Variants in TUBGCP3 observed in about 807,000 individuals in gnomAD.
The protein encoded by TUBGCP3 is gamma-tubulin complex component 3.
Under a neutral mutation model 123.1 loss-of-function variants are expected in TUBGCP3, and 50 were observed. The observed-to-expected ratio is 0.41, with a 90% CI of 0.32 to 0.51. TUBGCP3 has a LOEUF of 0.51. Ranked by LOEUF, TUBGCP3 falls within the 20% of genes least tolerant of loss-of-function variation. The probability of loss-of-function intolerance (pLI) is 0.36; values close to 1 mark genes in which losing one functional copy is unlikely to be tolerated. For synonymous variants in TUBGCP3, 405 were observed against 413.9 expected, an observed-to-expected ratio of 0.98 and a Z score of 0.26; for missense variants, 882 against 1,127.0, an observed-to-expected ratio of 0.78 and a Z score of 3.11.
intron 11 of TUBGCP3, among the ~76,000 whole-genome samples, chr13:112,530,532 G>A (rs189538125): frequency 3.9e-5 from 6 of 152,322 alleles, no homozygotes; most frequent in Admixed American, 2.0e-4. Context: ...TAGCATCCTC[G>A]GGGTGTGAAA....
At chr13:112,578,706 T>C (rs1184984624) in intron 1 of TUBGCP3, among the ~76,000 whole-genome samples, 1 of 152,090 alleles carries the variant, frequency 6.6e-6, no homozygotes, top group Non-Finnish European at 1.5e-5. Context: ...GTTTCTTTGT[T>C]TGATCACCAA....
intron 3 of TUBGCP3, among the ~76,000 whole-genome samples, chr13:112,564,886 C>G (rs182206740): frequency 6.6e-6 from 1 of 152,312 alleles, no homozygotes; most frequent in Non-Finnish European, 1.5e-5. Context: ...TGTTGACTTT[C>G]CCTGTGCAGC....
chr13:112,507,461 GA>G (rs1881379517), intron 17 of TUBGCP3, among the ~76,000 whole-genome samples: 2 of 152,202 alleles, frequency 1.3e-5, no homozygotes, highest in South Asian at 4.1e-4. Flanking sequence ...AACTTCACCT[GA>G]AAGTTTACCG....
At chr13:112,559,084 C>A (rs766198292) in intron 4 of TUBGCP3, among the ~76,000 whole-genome samples, 8 of 152,184 alleles carry the variant, frequency 5.3e-5, no homozygotes, top group Non-Finnish European at 1.2e-4. Context: ...ACCATTTATT[C>A]TCTATTTAAT....
At chr13:112,493,612 T>C (rs117760760) in intron 20 of TUBGCP3, among the ~76,000 whole-genome samples, 2,770 of 148,098 alleles carry the variant, frequency 0.019, 44 homozygotes, top group Non-Finnish European at 0.029. Flanking sequence ...CCTGAGATGC[T>C]CTGGCTATGG....
intron 16 of TUBGCP3, among the ~76,000 whole-genome samples, chr13:112,517,273 T>C (rs778886314): frequency 6.6e-6 from 1 of 152,118 alleles, no homozygotes; most frequent in African/African-American, 2.4e-5. Context: ...TTGCCTTTTT[T>C]AAATAAATCT....
chr13:112,556,061 C>T lies in TUBGCP3; in HGVS notation c.712G>A (p.Asp238Asn), dbSNP rs1010854479. 3 of 1,613,182 alleles carry T rather than the reference C, an allele frequency of 1.9e-6. No individual in the cohort carries two copies. Among genetic ancestry groups the T allele is most frequent in the African/African-American group, 2.7e-5 (2 of 74,898 alleles). The change falls in exon 6 of 22, where the codon GAT becomes AAT. Residue 238 changes from aspartate (D) to asparagine (N), a missense_variant. Asp to Asn is a conservative substitution (Grantham distance 23). Coordinates refer to ENST00000261965, the MANE Select transcript of TUBGCP3 (RefSeq NM_006322.6). Reference protein sequence around the residue: ...RNMTRSRREGDTGGTMEITEA... With the variant: ...RNMTRSRREGNTGGTMEITEA... ...ATAGATCCTTACTCACCACCCGTAT[C>T]CCCTTCTCTCCTGGACCTTGTCATG...
intron 11 of TUBGCP3, among the ~76,000 whole-genome samples, chr13:112,540,407 T>C (rs982435692): frequency 7.0e-6 from 1 of 143,652 alleles, no homozygotes; most frequent in Non-Finnish European, 1.5e-5. Flanking sequence ...TGTAGTAGCC[T>C]ATGAGCATTC....
chr13:112,587,040 A>C (rs1882657275), intron 1 of TUBGCP3, among the ~76,000 whole-genome samples: 1 of 152,210 alleles, frequency 6.6e-6, no homozygotes, highest in Non-Finnish European at 1.5e-5. Context: ...GTCTTCCTTC[A>C]AAAATTGAGT....
At chr13:112,579,188 T>A (rs1261446358) in intron 1 of TUBGCP3, among the ~76,000 whole-genome samples, 1 of 152,080 alleles carries the variant, frequency 6.6e-6, no homozygotes, top group Non-Finnish European at 1.5e-5. Context: ...ATGTTCAACA[T>A]CACTAGGAAA....
In TUBGCP3 at chr13:112,524,597, T is replaced by A. The variant is rs1876896677; in HGVS notation, c.1556-2088A>T. Among the ~76,000 whole-genome samples, 1 of 152,216 alleles carries A rather than the reference T, an allele frequency of 6.6e-6. No individual in the cohort carries two copies. Among genetic ancestry groups the A allele is most frequent in the Non-Finnish European group, 1.5e-5 (1 of 68,032 alleles). On this transcript the variant is annotated intron_variant, in intron 13 of 21. Transcript: ENST00000261965. This position sits in a 1 kb window ranked among gnomAD's most constrained non-coding sequence, Gnocchi z 4.4. ...CTATATTGGATCACATCTATCTCTA[T>A]TCCAGGAACAATCTGGGGTCTATGT...
chr13:112,580,896 C>T (rs1057191970), intron 1 of TUBGCP3, among the ~76,000 whole-genome samples: 43 of 152,256 alleles, frequency 2.8e-4, no homozygotes, highest in African/African-American at 1.0e-3. Context: ...GATCACTCCA[C>T]AGCTACCATC....
At chr13:112,539,091 G>T (rs572225975) in intron 11 of TUBGCP3, among the ~76,000 whole-genome samples, 1 of 152,224 alleles carries the variant, frequency 6.6e-6, no homozygotes, top group Non-Finnish European at 1.5e-5. Flanking sequence ...ACATCTTAGG[G>T]ACAGAAGATA....
the TUBGCP3 span, among the ~76,000 whole-genome samples, chr13:112,593,835 T>C: frequency 2.0e-5 from 3 of 151,776 alleles, no homozygotes; most frequent in Non-Finnish European, 2.9e-5. Context: ...AACAGAAATA[T>C]GCCAAATCAG....
intron 20 of TUBGCP3, among the ~76,000 whole-genome samples, chr13:112,496,917 C>A (rs1183399938): frequency 6.7e-6 from 1 of 150,164 alleles, no homozygotes; most frequent in African/African-American, 2.5e-5. Context: ...ACCCAGGAGG[C>A]GGAGCCTGCA....
At chr13:112,560,456 G>T (rs1190466266) in intron 3 of TUBGCP3, among the ~76,000 whole-genome samples, 1 of 151,540 alleles carries the variant, frequency 6.6e-6, no homozygotes. Flanking sequence ...TGGGTCTGAA[G>T]CACTTAGCTG....
chr13:112,566,862 T>C (rs1225624843), intron 2 of TUBGCP3, among the ~76,000 whole-genome samples: 1 of 152,252 alleles, frequency 6.6e-6, no homozygotes, highest in Non-Finnish European at 1.5e-5. Flanking sequence ...GTGGAAAATG[T>C]TTTGTCACAC....
At chr13:112,561,539 C>T (rs1388967292) in intron 3 of TUBGCP3, among the ~76,000 whole-genome samples, 1 of 152,148 alleles carries the variant, frequency 6.6e-6, no homozygotes, top group African/African-American at 2.4e-5. Context: ...CAAGATGACA[C>T]TCAGGTTCTC....
chr13:112,542,885 C>G (rs149186711), intron 11 of TUBGCP3, among the ~76,000 whole-genome samples: 16 of 152,072 alleles, frequency 1.1e-4, no homozygotes, highest in Non-Finnish European at 1.9e-4. Flanking sequence ...CGGTGGCTCA[C>G]GCCTGTAATC....
Sources: allele counts gnomAD v4.1 joint callset (sites outside exome capture counted in the v4.1 genomes callset), GRCh38; gene constraint gnomAD v4.1.1; non-coding constraint Gnocchi (gnomAD v3.1); transcripts MANE v1.5; gene names NCBI Gene and HGNC (gene_info 2026-07-23, HGNC 2026-07-21).